The following GABPB1 variants were observed in gnomAD, a reference collection of about 807,000 sequenced individuals.
GABPB1 encodes GA-binding protein subunit beta-1.
A neutral mutation model predicts 45.9 loss-of-function variants in GABPB1; 15 were observed. The observed-to-expected ratio is 0.33, with a 90% CI of 0.22 to 0.50. The LOEUF is 0.50. GABPB1 is among the 20% of genes least tolerant of loss of function. The pLI, the probability that GABPB1 is intolerant of heterozygous loss-of-function variation, is 0.98. For missense variants in GABPB1, 252 were observed against 457.5 expected, an observed-to-expected ratio of 0.55 and a Z score of 4.10; for synonymous variants, 143 against 154.4, an observed-to-expected ratio of 0.93 and a Z score of 0.55.
intron 1 of GABPB1, among the ~76,000 whole-genome samples, chr15:50,323,803 T>A (rs1421794630): frequency 6.6e-6 from 1 of 152,250 alleles, no homozygotes; most frequent in East Asian, 1.9e-4. Flanking sequence ...GCCCAGAAGT[T>A]TGAGGCTTCA....
chr15:50,338,810 A>T (rs1340440077), intron 1 of GABPB1, among the ~76,000 whole-genome samples: 1 of 152,186 alleles, frequency 6.6e-6, no homozygotes, highest in Non-Finnish European at 1.5e-5. Flanking sequence ...GCTATCTACC[A>T]CGATCACTTC....
In GABPB1 at chr15:50,277,789, C is replaced by T. The variant is rs979203732; in HGVS notation, c.*843G>A. On this transcript the variant is annotated 3_prime_UTR_variant, in exon 9 of 9. Transcript: ENST00000380877. ...GGCACAGAATACAGTTTCACGTCCC[C>T]ACTCTTAAATTTTCAAAAAAGCACA... 2 of 152,538 alleles carry T rather than the reference C, an allele frequency of 1.3e-5. No homozygotes were observed. The highest frequency in any genetic ancestry group is 4.8e-5 in the African/African-American group (2 of 41,420). The allele number at this position is 152,538 out of a possible 1,614,324, so 9.4% of individuals were successfully genotyped here. A position where few individuals can be genotyped will look rare whatever the true frequency, so the allele number is the denominator to read the frequency against.
chr15:50,307,475 G>A (rs376259820), intron 2 of GABPB1, among the ~76,000 whole-genome samples: 11 of 151,948 alleles, frequency 7.2e-5, no homozygotes, highest in East Asian at 5.8e-4. Flanking sequence ...AGGCCGAGGC[G>A]GGCTGATCAC....
chr15:50,332,323 G>A lies in GABPB1; in HGVS notation c.1-22525C>T, dbSNP rs549344148. ...GGTTTTCTAGAAATTATACCATGCA[G>A]TAAAGTCTAATCAAAATCTTTATTC... On this transcript the variant is annotated intron_variant, in intron 1 of 8. Transcript: ENST00000380877. Among the ~76,000 whole-genome samples, 3 of 152,184 alleles carry A rather than the reference G, an allele frequency of 2.0e-5. No homozygotes were observed. The South Asian group carries it at 6.2e-4, about 32-fold the overall frequency.
In GABPB1 at chr15:50,300,777, C is replaced by T. The variant is rs773642011; in HGVS notation, c.697+12G>A. The T allele has an allele frequency of 1.8e-5, 28 of 1,538,904 alleles. 1 individual carries two copies. In the Middle Eastern group the frequency reaches 5.0e-4, roughly 28 times the overall value. On this transcript the variant is annotated intron_variant, in intron 6 of 8. Transcript: ENST00000380877. The stretch of plus-strand genomic sequence containing the variant: ...GCAATTTTAATGTACACATTAGACT[C>T]GTTTTTCTAACCTGGAGTTTCTGAA...
At chr15:50,312,582 A>G (rs1021176771) in intron 1 of GABPB1, among the ~76,000 whole-genome samples, 2 of 152,226 alleles carry the variant, frequency 1.3e-5, no homozygotes, top group African/African-American at 4.8e-5. Context: ...AAGGCAGGAT[A>G]AAGCAAAAAG....
rs1343366612 is a variant in GABPB1 at position 50,276,745 on chromosome 15, T to G, written c.*1887A>C. On this transcript the variant is annotated 3_prime_UTR_variant, in exon 9 of 9. Transcript: ENST00000380877. ...CCCTCTGGGGTGAAGACACTGGCCC[T>G]TCTCTGCTCCAGCACCACATGTCAG... The G allele has an allele frequency of 8.3e-6, 1 of 121,032 alleles. No individual in the cohort carries two copies. Among genetic ancestry groups the G allele is most frequent in the Non-Finnish European group, 2.0e-5 (1 of 50,166 alleles). The allele number at this position is 121,032 out of a possible 1,614,324, so 7.5% of individuals were successfully genotyped here. A position where few individuals can be genotyped will look rare whatever the true frequency, so the allele number is the denominator to read the frequency against.
intron 1 of GABPB1, among the ~76,000 whole-genome samples, chr15:50,326,835 TA>T (rs538288354): frequency 1.9e-3 from 272 of 144,558 alleles, no homozygotes; most frequent in Middle Eastern, 3.5e-3. Context: ...CCCCCGTCTT[TA>T]AAAAAAAAAA....
intron 6 of GABPB1, among the ~76,000 whole-genome samples, chr15:50,295,593 A>G (rs909381535): frequency 2.8e-4 from 42 of 151,596 alleles, no homozygotes; most frequent in African/African-American, 1.0e-3. Flanking sequence ...AGTTTTCCTC[A>G]TAAGAAAATA....
intron 3 of GABPB1, among the ~76,000 whole-genome samples, chr15:50,303,614 G>A (rs549651377): frequency 1.1e-4 from 16 of 151,696 alleles, no homozygotes; most frequent in South Asian, 8.3e-4. Flanking sequence ...CCCAGGAGGT[G>A]GAGGTTGCAG....
rs748598712 is a variant in GABPB1, at chr15:50,331,858, G to GT, written c.1-22061dup. Among the ~76,000 whole-genome samples, 1,422 of 143,146 alleles carry GT rather than the reference G, an allele frequency of 9.9e-3. 7 individuals are homozygous for GT. The highest frequency in any genetic ancestry group is 0.013 in the Non-Finnish European group (822 of 65,222). 93.9% of individuals were successfully genotyped at this position (143,146 alleles called of 152,430 possible). On this transcript the variant is annotated intron_variant, in intron 1 of 8. Coordinates refer to ENST00000380877, the MANE Select transcript of GABPB1 (RefSeq NM_016654.5). ...TTATGCTTTCCATTTGTCCCGTTCAGTTTTTTTTTTTGTTTTTTGTTTTTT... is the reference window on the plus strand; with the variant it reads ...TTATGCTTTCCATTTGTCCCGTTCAGTTTTTTTTTTTTGTTTTTTGTTTTTT...
At position 50,302,841 on chromosome 15, in the gene GABPB1, A is replaced by ACTT. The variant is rs2046806625; in HGVS notation, c.471+87_471+88insAAG. The ACTT allele has an allele frequency of 3.4e-6, 3 of 869,724 alleles. No individual in the cohort carries two copies. The South Asian group carries it at 4.9e-5, about 14-fold the overall frequency. 53.9% of individuals were successfully genotyped at this position (869,724 alleles called of 1,614,324 possible). A position where few individuals can be genotyped will look rare whatever the true frequency, so the allele number is the denominator to read the frequency against. ...AGTCCAAAATGAAAGGCTACAAACA[A>ACTT]TAGTTTAAATCATGCACAATATAAG... is the stretch of plus-strand genomic sequence containing the variant. On this transcript the variant is annotated intron_variant, in intron 4 of 8. Coordinates refer to ENST00000380877, the MANE Select transcript of GABPB1 (RefSeq NM_016654.5).
rs2047985602 is a variant in GABPB1, at chr15:50,332,643, A to T, written c.-1+22342T>A. The stretch of plus-strand genomic sequence containing the variant: ...ACTTACTTTAAAATACTTGGGATAT[A>T]TATAAAAACACTTTAGTCATGAATT... On this transcript the variant is annotated intron_variant, in intron 1 of 8. Transcript: ENST00000380877. 2.0e-5 allele frequency among the ~76,000 whole-genome samples: 3 copies of T among 152,130 alleles called. No individual in the cohort carries two copies. In the South Asian group the frequency reaches 6.2e-4, roughly 31 times the overall value.
chr15:50,337,096 T>G (rs1339893398), intron 1 of GABPB1, among the ~76,000 whole-genome samples: 1 of 16,406 alleles, frequency 6.1e-5, no homozygotes, highest in Non-Finnish European at 1.6e-4. Context: ...TATATATATA[T>G]ATATATATAT....
In GABPB1 at chr15:50,295,445, G is replaced by A. The variant is rs138710747; in HGVS notation, c.697+5344C>T. Among the ~76,000 whole-genome samples the A allele has an allele frequency of 1.9e-4, 29 of 152,032 alleles. No homozygotes were observed. The East Asian group carries it at 4.1e-3, about 21-fold the overall frequency. On this transcript the variant is annotated intron_variant, in intron 6 of 8. Transcript: ENST00000380877. ...CTTCCCCAAACTTTTCCCTACTAAC[G>A]CCTACTTTAATTTTCAGTTTAAATG...
intron 1 of GABPB1, among the ~76,000 whole-genome samples, chr15:50,348,503 G>A (rs965318014): frequency 1.3e-4 from 19 of 151,224 alleles, no homozygotes; most frequent in Non-Finnish European, 2.7e-4. Flanking sequence ...CGCCCGCCTC[G>A]GCCTCCCAAA....
At chr15:50,311,135 T>G (rs895458850) in intron 1 of GABPB1, among the ~76,000 whole-genome samples, 2 of 152,152 alleles carry the variant, frequency 1.3e-5, no homozygotes, top group African/African-American at 4.8e-5. Flanking sequence ...GAAAAAAGAT[T>G]ATGACAGTAG....
chr15:50,329,351 C>T (rs1308396935), intron 1 of GABPB1, among the ~76,000 whole-genome samples: 1 of 152,080 alleles, frequency 6.6e-6, no homozygotes, highest in Non-Finnish European at 1.5e-5. Context: ...AATTCAGGTT[C>T]AAAATTATAG....
intron 4 of GABPB1, among the ~76,000 whole-genome samples, chr15:50,301,737 G>A (rs1475147440): frequency 6.6e-6 from 1 of 152,040 alleles, no homozygotes; most frequent in South Asian, 2.1e-4. Context: ...AGACCAGCAT[G>A]GGCAACATAG....
Sources: gnomAD v4.1 joint callset for allele counts (sites outside exome capture counted in the v4.1 genomes callset) on GRCh38, gnomAD v4.1.1 for gene constraint, MANE v1.5 for transcripts, NCBI Gene and HGNC (gene_info 2026-07-23, HGNC 2026-07-21) for gene names.